The following SV2C variants were observed in gnomAD, a reference collection of about 807,000 sequenced individuals.
SV2C encodes synaptic vesicle glycoprotein 2C.
In SV2C, 49 loss-of-function variants were observed where a neutral mutation model predicts 79.7. The observed-to-expected ratio is 0.61, with a 90% CI of 0.49 to 0.78. The LOEUF (loss-of-function observed/expected upper bound fraction) is 0.78, where lower values mean the gene tolerates loss of function less well. Ranked by LOEUF, SV2C falls within the 30% of genes least tolerant of loss-of-function variation. The pLI, the probability that SV2C is intolerant of heterozygous loss-of-function variation, is 0.00. For missense variants in SV2C, 833 were observed against 912.9 expected (o/e 0.91, Z 1.13); for synonymous variants, 334 against 333.2 (o/e 1.00, Z -0.03).
At chr5:76,191,358 C>G (rs527524816) in intron 2 of SV2C, among the ~76,000 whole-genome samples, 1 of 151,846 alleles carries the variant, frequency 6.6e-6, no homozygotes, top group South Asian at 2.1e-4. Flanking sequence ...AATACTAATA[C>G]AGAATGTTTT....
At chr5:75,995,197 C>G in the SV2C span, among the ~76,000 whole-genome samples, 1 of 152,228 alleles carries the variant, frequency 6.6e-6, no homozygotes, top group African/African-American at 2.4e-5. Flanking sequence ...CAGAAACACC[C>G]TTACAGACAT....
chr5:76,034,328 G>C, the SV2C span, among the ~76,000 whole-genome samples: 63,202 of 151,984 alleles, frequency 0.42, 15,203 homozygotes, highest in Middle Eastern at 0.58. Context: ...TCTTGTGCCA[G>C]TTTTCAAAGG....
At chr5:75,883,880 G>T in the SV2C span, among the ~76,000 whole-genome samples, 1 of 151,588 alleles carries the variant, frequency 6.6e-6, no homozygotes, top group East Asian at 1.9e-4. Flanking sequence ...TCTTTCAGGT[G>T]TATTTCTGGT....
chr5:76,209,918 G>A (rs759105239), intron 4 of SV2C, 31 bp downstream of exon 4: 11 of 1,587,056 alleles, frequency 6.9e-6, no homozygotes, highest in Non-Finnish European at 8.6e-6. Context: ...CAGCTGGGCA[G>A]TCACTTCATT....
intron 2 of SV2C, among the ~76,000 whole-genome samples, chr5:76,187,561 G>GT (rs1363635162): frequency 6.6e-6 from 1 of 152,026 alleles, no homozygotes; most frequent in East Asian, 1.9e-4. Flanking sequence ...AATTAGAAAG[G>GT]TTTTCCCCCC....
At chr5:76,185,138 T>C (rs1423194254) in intron 2 of SV2C, among the ~76,000 whole-genome samples, 1 of 152,252 alleles carries the variant, frequency 6.6e-6, no homozygotes, top group Non-Finnish European at 1.5e-5. Flanking sequence ...TCCAAAATGA[T>C]TTTCTTTGAC....
chr5:75,854,013 C>G, the SV2C span, among the ~76,000 whole-genome samples: 1 of 148,340 alleles, frequency 6.7e-6, no homozygotes, highest in Admixed American at 6.7e-5. Context: ...AAAAAAAAAC[C>G]TCCTCTTGTT....
intron 9 of SV2C, among the ~76,000 whole-genome samples, chr5:76,297,334 T>A (rs1005386299): frequency 6.6e-6 from 1 of 152,180 alleles, no homozygotes; most frequent in South Asian, 2.1e-4. Context: ...AAAGCAGGTG[T>A]ACTTTAGACA....
intron 1 of SV2C, among the ~76,000 whole-genome samples, chr5:76,092,394 G>A (rs1428636143): frequency 6.6e-6 from 1 of 152,114 alleles, no homozygotes; most frequent in Non-Finnish European, 1.5e-5. Flanking sequence ...TCTTTTTCCA[G>A]GCAATAATGT....
the SV2C span, among the ~76,000 whole-genome samples, chr5:75,927,386 A>G: frequency 3.3e-5 from 5 of 152,094 alleles, no homozygotes; most frequent in African/African-American, 1.2e-4. Flanking sequence ...TAAGTGAAAT[A>G]AGCCAGTCTC....
chr5:76,336,857 T>C (rs941701969), downstream of SV2C, among the ~76,000 whole-genome samples: 6 of 152,178 alleles, frequency 3.9e-5, no homozygotes, highest in Admixed American at 2.6e-4. Flanking sequence ...TCAGGGATGA[T>C]GGCAAGTACA....
the SV2C span, among the ~76,000 whole-genome samples, chr5:75,962,457 T>A: frequency 6.6e-6 from 1 of 152,158 alleles, no homozygotes. Flanking sequence ...CTTAGAGAAC[T>A]GGAAAAATCT....
chr5:75,960,280 G>A, the SV2C span, among the ~76,000 whole-genome samples: 1 of 151,870 alleles, frequency 6.6e-6, no homozygotes, highest in Non-Finnish European at 1.5e-5. Context: ...CTGTTGCTCT[G>A]CTCTTTTATG....
chr5:75,963,560 T>C, the SV2C span, among the ~76,000 whole-genome samples: 2 of 152,154 alleles, frequency 1.3e-5, no homozygotes, highest in Non-Finnish European at 2.9e-5. Context: ...TTCCTTTTTA[T>C]TTTTCCTTTT....
the SV2C span, among the ~76,000 whole-genome samples, chr5:75,901,630 G>T: frequency 6.6e-6 from 1 of 152,216 alleles, no homozygotes; most frequent in South Asian, 2.1e-4. Context: ...GTCAGACAGG[G>T]ACATTTACGT....
chr5:75,963,895 A>G, the SV2C span, among the ~76,000 whole-genome samples: 2 of 151,948 alleles, frequency 1.3e-5, no homozygotes, highest in Admixed American at 6.6e-5. Flanking sequence ...TAAAATTGGT[A>G]TGGCTTCATG....
At chr5:76,028,700 G>T in the SV2C span, among the ~76,000 whole-genome samples, 2 of 152,190 alleles carry the variant, frequency 1.3e-5, no homozygotes, top group African/African-American at 2.4e-5. Flanking sequence ...GCCAATCAGG[G>T]TTCTCAGCTT....
At chr5:76,113,236 A>G (rs1311256145) in intron 1 of SV2C, among the ~76,000 whole-genome samples, 1 of 152,240 alleles carries the variant, frequency 6.6e-6, no homozygotes, top group Non-Finnish European at 1.5e-5. Context: ...TAATATCATA[A>G]TACCATGTGC....
intron 12 of SV2C, among the ~76,000 whole-genome samples, chr5:76,314,616 C>T (rs999069138): frequency 6.6e-6 from 1 of 152,126 alleles, no homozygotes; most frequent in African/African-American, 2.4e-5. Context: ...ATGATCTCAA[C>T]TTATTTAATT....
Sources: allele counts gnomAD v4.1 joint callset (sites outside exome capture counted in the v4.1 genomes callset), GRCh38; gene constraint gnomAD v4.1.1; transcripts MANE v1.5; gene names NCBI Gene and HGNC (gene_info 2026-07-23, HGNC 2026-07-21).